Variants in UBE2J1 observed in about 807,000 individuals in gnomAD.
UBE2J1 encodes ubiquitin-conjugating enzyme E2 J1.
UBE2J1 carries 17 observed loss-of-function variants against 42.1 expected under a neutral mutation model. The ratio of observed to expected loss-of-function variants is 0.40; its 90% confidence interval spans 0.28 to 0.61. The LOEUF is 0.61. Ranked by LOEUF, UBE2J1 falls within the 20% of genes least tolerant of loss-of-function variation. The pLI is 0.38. For missense variants in UBE2J1, 291 were observed against 389.4 expected (o/e 0.75, Z 2.13); for synonymous variants, 127 against 137.2 (o/e 0.93, Z 0.52).
At chr6:89,335,918 C>T (rs1000856437) in intron 5 of UBE2J1, among the ~76,000 whole-genome samples, 5 of 152,038 alleles carry the variant, frequency 3.3e-5, no homozygotes, top group Admixed American at 2.0e-4. Flanking sequence ...CTTGGGAGAA[C>T]TTGCAGAAAA....
chr6:89,351,000 TA>T (rs1264826557), intron 1 of UBE2J1, among the ~76,000 whole-genome samples: 3 of 151,494 alleles, frequency 2.0e-5, no homozygotes, highest in Non-Finnish European at 4.4e-5. Context: ...CCATCTAGCT[TA>T]AAAATTAAGC....
At chr6:89,351,476 TC>T (rs1768479514) in intron 1 of UBE2J1, among the ~76,000 whole-genome samples, 1 of 152,234 alleles carries the variant, frequency 6.6e-6, no homozygotes, top group Admixed American at 6.5e-5. Flanking sequence ...CTAACAAAGC[TC>T]CCTCCAATCA....
chr6:89,342,384 G>A lies in UBE2J1; in HGVS notation c.177C>T (p.His59=), dbSNP rs754093091. 24 of 1,613,400 alleles carry A rather than the reference G, an allele frequency of 1.5e-5. No homozygotes were observed. The highest frequency in any genetic ancestry group is 1.1e-4 in the East Asian group (5 of 44,846). ...ACTCTGGTGGCAGTACTATCCGCCCGTGATAAACTCCTCCATCAAAATCGG... is the reference window on the plus strand; with the variant it reads ...ACTCTGGTGGCAGTACTATCCGCCCATGATAAACTCCTCCATCAAAATCGG... The part of the protein sequence containing the change: ...PDSDFDGGVY[H]GRIVLPPEYP... The change falls in exon 3 of 8, where the codon CAC becomes CAT. Residue 59 remains histidine, a synonymous_variant. Transcript: ENST00000435041.
intron 5 of UBE2J1, among the ~76,000 whole-genome samples, 156 bp from the exon 6 acceptor site, chr6:89,335,587 T>C (rs2127863105): frequency 6.6e-6 from 1 of 152,324 alleles, no homozygotes; most frequent in South Asian, 2.1e-4. Flanking sequence ...AGAAAATTAA[T>C]GTAATGATTA....
intron 7 of UBE2J1, 146 bp from the exon 8 acceptor site, chr6:89,330,103 C>CATGAG: frequency 1.2e-6 from 1 of 811,434 alleles, no homozygotes; most frequent in Admixed American, 3.0e-5. Flanking sequence ...ATAATACATC[C>CATGAG]CTTGAGGGGC....
chr6:89,329,442 T>C lies in UBE2J1; in HGVS notation c.*237A>G, dbSNP rs541167835. 1.1e-3 allele frequency: 536 copies of C among 505,488 alleles called. 2 individuals carry two copies. The highest frequency in any genetic ancestry group is 1.9e-3 in the Admixed American group (48 of 25,944). The allele number at this position is 505,488 out of a possible 1,614,324, so 31.3% of individuals were successfully genotyped here. A position where few individuals can be genotyped will look rare whatever the true frequency, so the allele number is the denominator to read the frequency against. On this transcript the variant is annotated 3_prime_UTR_variant, in exon 8 of 8. Transcript: ENST00000435041. ...CATGAGAAAAAACAAGTTATTTCCCTGCAAAGCAGATCAAATAGTGAGACA... is the reference window on the plus strand; with the variant it reads ...CATGAGAAAAAACAAGTTATTTCCCCGCAAAGCAGATCAAATAGTGAGACA...
chr6:89,329,757 G>A lies in UBE2J1; in HGVS notation c.879C>T (p.Ile293=). The change falls in exon 8 of 8, where the codon ATC becomes ATT. Residue 293 remains isoleucine (I), a synonymous_variant. Transcript: ENST00000435041. Reference sequence around the variant, plus strand: ...TAAGAGCTGCCAATGCCAAAGTCAGGATGACAATCAGTACAGCTGACCCAC... The same window carrying A: ...TAAGAGCTGCCAATGCCAAAGTCAGAATGACAATCAGTACAGCTGACCCAC... ...DHGGSAVLIV[I]LTLALAALIF... 1 of 1,614,108 alleles carries A rather than the reference G, an allele frequency of 6.2e-7. No individual in the cohort carries two copies. Among genetic ancestry groups the A allele is most frequent in the Non-Finnish European group, 8.5e-7 (1 of 1,179,978 alleles).
rs202016441 is a variant in UBE2J1 at position 89,329,869 on chromosome 6, C to A, written c.767G>T (p.Arg256Leu). 1.2e-6 allele frequency: 2 copies of A among 1,613,902 alleles called. No homozygotes were observed. Among genetic ancestry groups the A allele is most frequent in the Non-Finnish European group, 1.7e-6 (2 of 1,179,992 alleles). Reference sequence around the variant, plus strand: ...CCTTCTCTGACTCTGCTGCTGGGCCCGGCGCTGTCGAGGGCTCATGGAGGT... The same window carrying A: ...CCTTCTCTGACTCTGCTGCTGGGCCAGGCGCTGTCGAGGGCTCATGGAGGT... ...KNTSMSPRQR[R>L]AQQQSQRRLS... The change falls in exon 8 of 8, where the codon CGG becomes CTG. Residue 256 changes from arginine (R) to leucine (L), a missense_variant. By Grantham distance (102) the Arg-to-Leu change is moderately radical. Transcript: ENST00000435041.
In UBE2J1 at chr6:89,335,408, C is replaced by T; in HGVS notation, c.452G>A (p.Gly151Glu). ...GACATCCTTCATGGCAGAGCCACAT[C>T]CTTCACAACAGAAATCTTGTGATCT... ...AKKSQDFCCE[G>E]CGSAMKDVLL... is the part of the protein sequence containing the mutation. The change falls in exon 6 of 8, where the codon GGA becomes GAA. Residue 151 changes from glycine (G) to glutamate (E), a missense_variant. Gly to Glu is a moderately conservative substitution (Grantham distance 98). This residue lies in a region of UBE2J1 where 115 missense variants were observed against 193.1 expected (regional missense o/e 0.60). Transcript: ENST00000435041. 6.3e-7 allele frequency: 1 copy of T among 1,586,476 alleles called. No individual in the cohort carries two copies. The highest frequency in any genetic ancestry group is 8.6e-7 in the Non-Finnish European group (1 of 1,164,046).
At position 89,338,653 on chromosome 6, in the gene UBE2J1, G is replaced by GTTTTTT. The variant is rs1486254673; in HGVS notation, c.238-111_238-110insAAAAAA. On this transcript the variant is annotated intron_variant, in intron 3 of 7. Coordinates refer to ENST00000435041, the MANE Select transcript of UBE2J1 (RefSeq NM_016021.3). ...ATAATTTTAGAGATTATCTTAAAAAGTTTGTTTTTTTTTTTTTTTTTTTTT... is the reference window on the plus strand; with the variant it reads ...ATAATTTTAGAGATTATCTTAAAAAGTTTTTTTTTGTTTTTTTTTTTTTTTTTTTTT... 46 of 120,704 alleles carry GTTTTTT rather than the reference G, an allele frequency of 3.8e-4. 2 individuals carry two copies. Among genetic ancestry groups the GTTTTTT allele is most frequent in the African/African-American group, 1.1e-3 (33 of 29,234 alleles). The allele number at this position is 120,704 out of a possible 1,614,324, so 7.5% of individuals were successfully genotyped here. A position where few individuals can be genotyped will look rare whatever the true frequency, so the allele number is the denominator to read the frequency against.
intron 1 of UBE2J1, among the ~76,000 whole-genome samples, chr6:89,344,260 G>C (rs75566648): frequency 2.0e-5 from 3 of 152,182 alleles, no homozygotes; most frequent in Admixed American, 6.5e-5. Flanking sequence ...TCTCATGCTC[G>C]GTGAACAGGA....
intron 5 of UBE2J1, among the ~76,000 whole-genome samples, chr6:89,335,870 A>G (rs1768098400): frequency 6.6e-6 from 1 of 152,202 alleles, no homozygotes; most frequent in Admixed American, 6.5e-5. Flanking sequence ...TTCTAGGGAA[A>G]AAAAAACCCC....
At chr6:89,350,647 C>T (rs1302558424) in intron 1 of UBE2J1, among the ~76,000 whole-genome samples, 1 of 151,980 alleles carries the variant, frequency 6.6e-6, no homozygotes, top group Non-Finnish European at 1.5e-5. Context: ...AAAAAGGAAG[C>T]AATTTATGAC....
chr6:89,342,981 A>T (rs1240705992), intron 2 of UBE2J1, among the ~76,000 whole-genome samples: 1 of 152,150 alleles, frequency 6.6e-6, no homozygotes, highest in Non-Finnish European at 1.5e-5. Flanking sequence ...TACCATGAAA[A>T]CCTGCCTGGG....
Position 89,329,533 on chromosome 6 carries a change from T to G in UBE2J1, c.*146A>C. On this transcript the variant is annotated 3_prime_UTR_variant, in exon 8 of 8. Coordinates refer to ENST00000435041, the MANE Select transcript of UBE2J1 (RefSeq NM_016021.3). Reference sequence around the variant, plus strand: ...GCTAGACACAGTCTGAATGTCTAGATATATTTATACTAAACTTACAAGGAT... The same window carrying G: ...GCTAGACACAGTCTGAATGTCTAGAGATATTTATACTAAACTTACAAGGAT... 1 of 830,980 alleles carries G rather than the reference T, an allele frequency of 1.2e-6. No homozygotes were observed. The highest frequency in any genetic ancestry group is 1.9e-6 in the Non-Finnish European group (1 of 537,522). The allele number at this position is 830,980 out of a possible 1,614,324, so 51.5% of individuals were successfully genotyped here. A position where few individuals can be genotyped will look rare whatever the true frequency, so the allele number is the denominator to read the frequency against.
At chr6:89,334,154 C>G (rs59813706) in intron 6 of UBE2J1, among the ~76,000 whole-genome samples, 2 of 151,814 alleles carry the variant, frequency 1.3e-5, no homozygotes, top group African/African-American at 2.4e-5. Flanking sequence ...CAGGCACACA[C>G]CACCATGCCG....
At chr6:89,345,514 A>G (rs936217246) in intron 1 of UBE2J1, among the ~76,000 whole-genome samples, 4 of 152,190 alleles carry the variant, frequency 2.6e-5, no homozygotes, top group African/African-American at 7.2e-5. Context: ...AGGCAGGAGA[A>G]TCGCTTGCAC....
chr6:89,333,641 G>A (rs1768049948), intron 6 of UBE2J1, among the ~76,000 whole-genome samples: 1 of 152,218 alleles, frequency 6.6e-6, no homozygotes. Context: ...ATTATGAGGT[G>A]CTGCCCCAGA....
At chr6:89,346,512 T>C (rs189516275) in intron 1 of UBE2J1, among the ~76,000 whole-genome samples, 13 of 152,262 alleles carry the variant, frequency 8.5e-5, no homozygotes, top group Admixed American at 5.2e-4. Context: ...CTCTCAGCCT[T>C]TCTATACAGC....
Sources: allele counts gnomAD v4.1 joint callset (sites outside exome capture counted in the v4.1 genomes callset), GRCh38; gene constraint gnomAD v4.1.1; regional missense constraint gnomAD v4.1.1; transcripts MANE v1.5; gene names NCBI Gene and HGNC (gene_info 2026-07-23, HGNC 2026-07-21).